Variants in ORC4 observed in about 807,000 individuals in gnomAD.
ORC4 encodes the protein origin recognition complex, subunit 4 homolog.
A neutral mutation model predicts 63.9 loss-of-function variants in ORC4; 55 were observed. That is an observed-to-expected ratio of 0.86 (90% CI 0.69 to 1.08). The LOEUF is 1.08. Among genes scored for constraint, ORC4 ranks in the 50% least tolerant of loss-of-function variants. The pLI, the probability that ORC4 is intolerant of heterozygous loss-of-function variation, is 0.00. For missense variants in ORC4, 511 were observed against 504.4 expected (o/e 1.01, Z -0.13); for synonymous variants, 150 against 168.5 (o/e 0.89, Z 0.85).
intron 1 of ORC4, among the ~76,000 whole-genome samples, chr2:147,995,681 C>T (rs1423713769): frequency 6.6e-6 from 1 of 152,088 alleles, no homozygotes; most frequent in Admixed American, 6.5e-5. Context: ...CTGTAACACT[C>T]ACTGCGAAGG....
Position 147,932,173 on chromosome 2 carries a change from A to C in ORC4, c.*3337T>G, listed in dbSNP as rs1397932188. 4.7e-5 allele frequency: 7 copies of C among 149,418 alleles called. No homozygotes were observed. Among genetic ancestry groups the C allele is most frequent in the Admixed American group, 4.7e-4 (7 of 14,996 alleles). The allele number at this position is 149,418 out of a possible 1,614,324, so 9.3% of individuals were successfully genotyped here. A position where few individuals can be genotyped will look rare whatever the true frequency, so the allele number is the denominator to read the frequency against. ...TTATACACCAACAACAGACAAACAG[A>C]GAGCCAAATCATGAGTGAACTCCCA... On this transcript the variant is annotated 3_prime_UTR_variant, in exon 14 of 14. Transcript: ENST00000392857.
chr2:147,960,204 T>C (rs1156501916), intron 4 of ORC4: 1 of 958,776 alleles, frequency 1.0e-6, no homozygotes, highest in Non-Finnish European at 1.2e-6. Flanking sequence ...ATAAGGAGAG[T>C]TGTAACAGAT....
At chr2:147,939,765 CCTT>C (rs1688259313) in intron 10 of ORC4, among the ~76,000 whole-genome samples, 1 of 152,118 alleles carries the variant, frequency 6.6e-6, no homozygotes, top group Non-Finnish European at 1.5e-5. Context: ...AGCACAGTCT[CCTT>C]CTCTTGTGCT....
intron 1 of ORC4, among the ~76,000 whole-genome samples, chr2:148,001,433 G>C (rs1269504180): frequency 6.6e-6 from 1 of 152,170 alleles, no homozygotes; most frequent in Non-Finnish European, 1.5e-5. Flanking sequence ...CTATAAGCCA[G>C]AAGAGAGTAG....
rs1424046932 is a variant in ORC4, at chr2:147,939,169, C to CTACA, written c.925_928dup (p.Ser310MetfsTer2). 7 of 1,611,320 alleles carry CTACA rather than the reference C, an allele frequency of 4.3e-6. No homozygotes were observed. Among genetic ancestry groups the CTACA allele is most frequent in the Non-Finnish European group, 5.9e-6 (7 of 1,177,722 alleles). ...TACAATATTTGCTTTCGAGTCCATGCTACACAGTTGGCTTGCTTCCATTAG... is the reference window on the plus strand; with the variant it reads ...TACAATATTTGCTTTCGAGTCCATGCTACATACACAGTTGGCTTGCTTCCATTAG... On this transcript the variant is annotated stop_gained and frameshift_variant, in exon 11 of 14. Transcript: ENST00000392857. LOFTEE classifies it high-confidence loss of function.
chr2:147,937,425 A>G (rs1688115214), intron 13 of ORC4, among the ~76,000 whole-genome samples: 1 of 152,154 alleles, frequency 6.6e-6, no homozygotes, highest in Non-Finnish European at 1.5e-5. Flanking sequence ...TCAGCTATAC[A>G]TTTTATGGAA....
chr2:147,969,899 TA>T (rs766450480), intron 4 of ORC4, among the ~76,000 whole-genome samples: 1 of 151,922 alleles, frequency 6.6e-6, no homozygotes, highest in Non-Finnish European at 1.5e-5. Flanking sequence ...AGTATGGAGA[TA>T]GGGAAGGAAT....
intron 1 of ORC4, among the ~76,000 whole-genome samples, chr2:148,002,497 T>C (rs369516244): frequency 6.6e-6 from 1 of 152,122 alleles, no homozygotes; most frequent in African/African-American, 2.4e-5. Context: ...CTGAACAACC[T>C]GCTCCTGAAT....
At chr2:147,960,470 T>C in intron 4 of ORC4, 1 of 544,010 alleles carries the variant, frequency 1.8e-6, no homozygotes, top group Non-Finnish European at 2.3e-6. Context: ...TAAAAATATT[T>C]AGTTGGTTAT....
chr2:147,946,866 T>C (rs751231337), intron 9 of ORC4, among the ~76,000 whole-genome samples: 2 of 151,988 alleles, frequency 1.3e-5, no homozygotes, highest in Non-Finnish European at 2.9e-5. Flanking sequence ...TATTCCATAG[T>C]AGAAGAAAGG....
At chr2:147,978,158 C>A (rs1304981049) in intron 1 of ORC4, among the ~76,000 whole-genome samples, 1 of 152,216 alleles carries the variant, frequency 6.6e-6, no homozygotes, top group Non-Finnish European at 1.5e-5. Flanking sequence ...CTGAGAGGGG[C>A]TTATGCCAAG....
In ORC4 at chr2:147,944,807, A is replaced by T. The variant is rs1273798514; in HGVS notation, c.763-1285T>A. Among the ~76,000 whole-genome samples, 31 of 151,908 alleles carry T rather than the reference A, an allele frequency of 2.0e-4. 1 individual carries two copies. Among genetic ancestry groups the T allele is most frequent in the Admixed American group, 2.0e-3 (31 of 15,230 alleles). On this transcript the variant is annotated intron_variant, in intron 9 of 13. Transcript: ENST00000392857. ...AAGACCAGATTCAGAAGTAAGTTCT[A>T]GTCTACTGGAATAAAATTTTATACT...
chr2:147,959,857 C>T (rs889156677), intron 4 of ORC4, among the ~76,000 whole-genome samples: 1 of 152,088 alleles, frequency 6.6e-6, no homozygotes, highest in African/African-American at 2.4e-5. Flanking sequence ...TGAGAAGTGA[C>T]ATTTAATGAG....
At chr2:147,997,349 T>C (rs539173575) in intron 1 of ORC4, among the ~76,000 whole-genome samples, 21 of 152,290 alleles carry the variant, frequency 1.4e-4, no homozygotes, top group African/African-American at 4.1e-4. Context: ...TCAAAATCCA[T>C]AGAATGTACA....
At chr2:148,001,932 A>G (rs923963568) in intron 1 of ORC4, among the ~76,000 whole-genome samples, 3 of 152,194 alleles carry the variant, frequency 2.0e-5, no homozygotes, top group African/African-American at 7.2e-5. Context: ...AAGCAAATGG[A>G]AAGCAAAAAA....
chr2:147,998,795 T>C (rs1268640707), intron 1 of ORC4, among the ~76,000 whole-genome samples: 1 of 152,164 alleles, frequency 6.6e-6, no homozygotes, highest in African/African-American at 2.4e-5. Context: ...TTTGTTATGT[T>C]TTATTGGAGG....
chr2:147,954,525 A>C (rs1403572757), intron 7 of ORC4, among the ~76,000 whole-genome samples: 1 of 152,176 alleles, frequency 6.6e-6, no homozygotes, highest in African/African-American at 2.4e-5. Flanking sequence ...AACACAGGAA[A>C]GGTACAGTAA....
At chr2:147,966,723 A>G (rs900906716) in intron 4 of ORC4, among the ~76,000 whole-genome samples, 1 of 152,158 alleles carries the variant, frequency 6.6e-6, no homozygotes, top group African/African-American at 2.4e-5. Context: ...AAGTCTTCCA[A>G]CAAAGGAAAA....
chr2:147,948,594 T>C (rs949723851), intron 8 of ORC4, among the ~76,000 whole-genome samples: 7 of 151,558 alleles, frequency 4.6e-5, no homozygotes, highest in Admixed American at 2.6e-4. Flanking sequence ...ATTAATAGCA[T>C]GATAGGCAGC....
Sources: allele counts gnomAD v4.1 joint callset (sites outside exome capture counted in the v4.1 genomes callset), GRCh38; gene constraint gnomAD v4.1.1; transcripts MANE v1.5; gene names NCBI Gene and HGNC (gene_info 2026-07-23, HGNC 2026-07-21).